The following KCND3 variants were observed in gnomAD, a reference collection of about 807,000 sequenced individuals.
KCND3 encodes A-type voltage-gated potassium channel KCND3.
Under a neutral mutation model 51.1 loss-of-function variants are expected in KCND3, and 9 were observed. The observed-to-expected ratio is 0.18, with a 90% CI of 0.11 to 0.31. The LOEUF is 0.31. Among genes scored for constraint, KCND3 ranks in the 10% least tolerant of loss-of-function variants. The pLI, the probability that KCND3 is intolerant of heterozygous loss-of-function variation, is 1.00. For missense variants in KCND3, 526 were observed against 903.8 expected (o/e 0.58, Z 5.36); for synonymous variants, 349 against 368.0 (o/e 0.95, Z 0.59).
At chr1:111,859,051 T>C (rs1668219318) in intron 2 of KCND3, among the ~76,000 whole-genome samples, 1 of 152,200 alleles carries the variant, frequency 6.6e-6, no homozygotes, top group African/African-American at 2.4e-5. Flanking sequence ...CCAGTTTTTT[T>C]CTCCACACAG....
intron 2 of KCND3, among the ~76,000 whole-genome samples, chr1:111,944,350 T>C (rs536434742): frequency 6.6e-6 from 1 of 152,292 alleles, no homozygotes; most frequent in African/African-American, 2.4e-5. Context: ...AAACGAAAGG[T>C]TAAGATACAA....
Position 111,982,353 on chromosome 1 carries a change from G to A in KCND3, c.374C>T (p.Pro125Leu). 6.2e-7 allele frequency: 1 copy of A among 1,614,186 alleles called. No individual in the cohort carries two copies. Among genetic ancestry groups the A allele is most frequent in the Non-Finnish European group, 8.5e-7 (1 of 1,180,042 alleles). Residue 125 changes from proline (P) to leucine (L), a missense_variant, in exon 2 of 8, where the codon CCG (proline) becomes CTG (leucine). This residue lies in a region of KCND3 where 159 missense variants were observed against 262.8 expected (regional missense o/e 0.61). Transcript: ENST00000302127. This position sits in a 1 kb window ranked among gnomAD's most constrained non-coding sequence, Gnocchi z 8.5. Reference sequence around the variant, plus strand: ...GTAGCAGCAGTCCCCGATGATCTCCGGGAGGATGCCGTAGAAGGCCAGCTC... The same window carrying A: ...GTAGCAGCAGTCCCCGATGATCTCCAGGAGGATGCCGTAGAAGGCCAGCTC... ...DDELAFYGILPEIIGDCCYEE... is the reference protein window; with the variant it reads ...DDELAFYGILLEIIGDCCYEE...
At chr1:111,789,685 G>A (rs1297720858) in intron 2 of KCND3, among the ~76,000 whole-genome samples, 1 of 152,228 alleles carries the variant, frequency 6.6e-6, no homozygotes, top group Admixed American at 6.5e-5. Flanking sequence ...TTTGAGAGCA[G>A]ATTATTAAGT....
rs770261969 is a variant in KCND3, at chr1:111,982,767, G to C, written c.-41C>G. 1 of 1,574,470 alleles carries C rather than the reference G, an allele frequency of 6.4e-7. No individual in the cohort carries two copies. The highest frequency in any genetic ancestry group is 1.3e-5 in the African/African-American group (1 of 74,232). On this transcript the variant is annotated 5_prime_UTR_variant, in exon 2 of 8. Transcript: ENST00000302127. The surrounding 1 kb of genome is among the most constrained non-coding windows in gnomAD (Gnocchi z 8.5). ...TGGGCCGGCAGCCGCGCGGACGCTA[G>C]GCACACCAGCTTGGAGTTAGTTCAG... is the stretch of plus-strand genomic sequence containing the variant.
intron 2 of KCND3, among the ~76,000 whole-genome samples, chr1:111,831,079 G>T (rs1666812378): frequency 6.6e-6 from 1 of 152,224 alleles, no homozygotes; most frequent in African/African-American, 2.4e-5. Context: ...GGCCTGGAAG[G>T]TTTTCCACAC....
chr1:111,861,211 G>T (rs965370784), intron 2 of KCND3, among the ~76,000 whole-genome samples: 1 of 152,102 alleles, frequency 6.6e-6, no homozygotes. Context: ...ATAACAATGG[G>T]GTAGGGGCTT....
chr1:111,780,774 C>G lies in KCND3; in HGVS notation c.1287G>C (p.Arg429Ser). 6.2e-7 allele frequency: 1 copy of G among 1,613,284 alleles called. No individual in the cohort carries two copies. The highest frequency in any genetic ancestry group is 8.5e-7 in the Non-Finnish European group (1 of 1,179,802). The change falls in exon 4 of 8, where the codon AGG (arginine) becomes AGC (serine). Residue 429 changes from arginine to serine, a missense_variant. Arg to Ser is a moderately radical substitution (Grantham distance 110). Around this residue, in one of 5 missense-constraint regions of KCND3, gnomAD observed 266 missense variants for 305.5 expected, o/e 0.87. Coordinates refer to ENST00000302127, the MANE Select transcript of KCND3 (RefSeq NM_001378969.1). This position sits in a 1 kb window ranked among gnomAD's most constrained non-coding sequence, Gnocchi z 4.2. The stretch of plus-strand genomic sequence containing the variant: ...AACTGCCTGTTTTGGCCACACGGAT[C>G]CTGGCAAGGCGGGCCTTCTGTGATT... The part of the protein sequence containing the change: ...RRAQKKARLA[R>S]IRVAKTGSSN...
chr1:111,935,416 C>A (rs1672172931), intron 2 of KCND3, among the ~76,000 whole-genome samples: 1 of 152,142 alleles, frequency 6.6e-6, no homozygotes, highest in South Asian at 2.1e-4. Context: ...TGTTTTTACT[C>A]ATTTACATGG....
chr1:111,963,485 G>GTA (rs1240946850), intron 2 of KCND3, among the ~76,000 whole-genome samples: 2 of 152,232 alleles, frequency 1.3e-5, no homozygotes, highest in African/African-American at 4.8e-5. Flanking sequence ...GGGGATGATA[G>GTA]TAATGCCTAC....
chr1:111,898,155 G>A (rs1316363011), intron 2 of KCND3, among the ~76,000 whole-genome samples: 2 of 152,192 alleles, frequency 1.3e-5, no homozygotes, highest in Non-Finnish European at 2.9e-5. Flanking sequence ...GTATTCTTCA[G>A]GGGGTTGAGG....
intron 2 of KCND3, among the ~76,000 whole-genome samples, chr1:111,817,053 G>T (rs1571685997): frequency 6.6e-6 from 1 of 152,296 alleles, no homozygotes; most frequent in Admixed American, 6.5e-5. Context: ...TGGATGAGTA[G>T]TTTAGTGGTG....
intron 2 of KCND3, among the ~76,000 whole-genome samples, chr1:111,793,169 G>C (rs2101519748): frequency 6.7e-6 from 1 of 150,134 alleles, no homozygotes; most frequent in South Asian, 2.1e-4. Flanking sequence ...CCAGCCAGAA[G>C]CATATTCTTT....
chr1:111,828,896 T>C (rs1666702266), intron 2 of KCND3, among the ~76,000 whole-genome samples: 1 of 152,202 alleles, frequency 6.6e-6, no homozygotes, highest in African/African-American at 2.4e-5. Context: ...TGGATTCCCA[T>C]TGACCTAGAT....
At chr1:111,836,954 T>A (rs1273126303) in intron 2 of KCND3, among the ~76,000 whole-genome samples, 1 of 152,188 alleles carries the variant, frequency 6.6e-6, no homozygotes, top group African/African-American at 2.4e-5. Flanking sequence ...CTTGTACTTT[T>A]CCCCACCCCC....
At chr1:111,839,188 GC>G (rs560832479) in intron 2 of KCND3, among the ~76,000 whole-genome samples, 1 of 152,178 alleles carries the variant, frequency 6.6e-6, no homozygotes, top group Non-Finnish European at 1.5e-5. Context: ...TGTTCCATGT[GC>G]TTTCTCAACA....
At chr1:111,830,702 A>G (rs1467942223) in intron 2 of KCND3, among the ~76,000 whole-genome samples, 3 of 152,248 alleles carry the variant, frequency 2.0e-5, no homozygotes, top group African/African-American at 7.2e-5. Flanking sequence ...CTTCTAATTC[A>G]TTAAAGAGAT....
intron 2 of KCND3, among the ~76,000 whole-genome samples, chr1:111,970,626 C>T (rs1436061472): frequency 6.6e-6 from 1 of 152,190 alleles, no homozygotes; most frequent in African/African-American, 2.4e-5. Flanking sequence ...AGGCATTTCT[C>T]TTACTGGACT....
At chr1:111,794,969 A>G (rs567238311) in intron 2 of KCND3, among the ~76,000 whole-genome samples, 1 of 152,202 alleles carries the variant, frequency 6.6e-6, no homozygotes, top group Admixed American at 6.5e-5. Flanking sequence ...GCTCCTAGTT[A>G]TCTGGCCCAA....
chr1:111,945,850 C>T (rs1206940177), intron 2 of KCND3, among the ~76,000 whole-genome samples: 1 of 152,176 alleles, frequency 6.6e-6, no homozygotes, highest in Non-Finnish European at 1.5e-5. Context: ...GGTGCACTGG[C>T]CCTGCAGCCT....
Sources: gnomAD v4.1 joint callset for allele counts (sites outside exome capture counted in the v4.1 genomes callset) on GRCh38, gnomAD v4.1.1 for gene constraint, gnomAD v4.1.1 regional missense constraint, Gnocchi (gnomAD v3.1) non-coding constraint, MANE v1.5 for transcripts, NCBI Gene and HGNC (gene_info 2026-07-23, HGNC 2026-07-21) for gene names.